Variants in GDPD1 observed in about 807,000 individuals in gnomAD.
The protein encoded by GDPD1 is glycerophosphodiester phosphodiesterase domain containing 1, also known as lysophospholipase D GDPD1.
GDPD1 carries 28 observed loss-of-function variants against 45.1 expected under a neutral mutation model. That is an observed-to-expected ratio of 0.62 (90% CI 0.46 to 0.85). The LOEUF (loss-of-function observed/expected upper bound fraction) is 0.85, where lower values mean the gene tolerates loss of function less well. Ranked by LOEUF, GDPD1 falls within the 40% of genes least tolerant of loss-of-function variation. The pLI is 0.00. For missense variants in GDPD1, 256 were observed against 364.8 expected (o/e 0.70, Z 2.43); for synonymous variants, 139 against 131.4 (o/e 1.06, Z -0.40).
At chr17:59,268,302 C>T (rs547684280) in intron 7 of GDPD1, among the ~76,000 whole-genome samples, 2 of 151,984 alleles carry the variant, frequency 1.3e-5, no homozygotes, top group East Asian at 1.9e-4. Context: ...CATGGCCGGG[C>T]GCGGTGGCTC....
At chr17:59,273,105 G>A in intron 9 of GDPD1, 1 of 269,546 alleles carries the variant, frequency 3.7e-6, no homozygotes, top group Non-Finnish European at 6.4e-6. Context: ...ATAAATATAT[G>A]TATGTATATT....
intron 4 of GDPD1, 76 bp from the exon 5 acceptor site, chr17:59,257,046 T>C: frequency 1.5e-6 from 1 of 661,962 alleles, no homozygotes; most frequent in Non-Finnish European, 2.5e-6. Flanking sequence ...TTAATGAATA[T>C]ATACAATACC....
chr17:59,268,577 TCAAAAAAAA>T (rs2047417715), intron 7 of GDPD1, among the ~76,000 whole-genome samples: 1 of 26,650 alleles, frequency 3.8e-5, no homozygotes, highest in Admixed American at 5.4e-4. Context: ...AGACTCTGTC[TCAAAAAAAA>T]AAAAAAAAAA....
At chr17:59,269,737 C>T (rs1490988683) in intron 7 of GDPD1, among the ~76,000 whole-genome samples, 1 of 151,972 alleles carries the variant, frequency 6.6e-6, no homozygotes, top group Non-Finnish European at 1.5e-5. Flanking sequence ...GCAGGAGAAT[C>T]GCTTGAACCC....
chr17:59,229,118 AATTGTTATT>A (rs2047068866), intron 1 of GDPD1, among the ~76,000 whole-genome samples: 2 of 135,792 alleles, frequency 1.5e-5, no homozygotes, highest in South Asian at 4.6e-4. Context: ...TTTTTCCTCA[AATTGTTATT>A]ATTATTATTA....
intron 2 of GDPD1, among the ~76,000 whole-genome samples, chr17:59,239,527 C>T (rs1172763436): frequency 6.6e-6 from 1 of 151,946 alleles, no homozygotes; most frequent in African/African-American, 2.4e-5. Flanking sequence ...AAATTTTTCT[C>T]ACTGTGTTCT....
intron 3 of GDPD1, 75 bp downstream of exon 3, chr17:59,245,624 A>G: frequency 8.9e-7 from 1 of 1,125,110 alleles, no homozygotes; most frequent in South Asian, 1.6e-5. Flanking sequence ...AATAGCGAAT[A>G]TCAGCAAAAA....
rs1361650818 is a variant in GDPD1 at position 59,220,528 on chromosome 17, C to A, written c.-82C>A. On this transcript the variant is annotated 5_prime_UTR_variant, in exon 1 of 10. Transcript: ENST00000284116. Reference sequence around the variant, plus strand: ...CTGGGGGCGAGCCGACCTCGAGCAGCCGCCGCCGCCGCCGTCGTTGCTACT... The same window carrying A: ...CTGGGGGCGAGCCGACCTCGAGCAGACGCCGCCGCCGCCGTCGTTGCTACT... 2.1e-6 allele frequency: 3 copies of A among 1,405,632 alleles called. No individual in the cohort carries two copies. Among genetic ancestry groups the A allele is most frequent in the African/African-American group, 2.9e-5 (2 of 69,776 alleles). The allele number at this position is 1,405,632 out of a possible 1,614,324, so 87.1% of individuals were successfully genotyped here.
Position 59,232,126 on chromosome 17 carries a change from C to A in GDPD1, c.143-2366C>A, listed in dbSNP as rs145215140. ...AAAGTGAGAAAAAAATGATGTCTGA[C>A]CTCCTTACATATACAAAAAATTGCC... On this transcript the variant is annotated intron_variant, in intron 1 of 9. Transcript: ENST00000284116. 3.9e-5 allele frequency among the ~76,000 whole-genome samples: 6 copies of A among 152,210 alleles called. No homozygotes were observed. The East Asian group carries it at 1.2e-3, about 29-fold the overall frequency.
chr17:59,269,535 T>C (rs561629519), intron 7 of GDPD1, among the ~76,000 whole-genome samples: 1 of 144,732 alleles, frequency 6.9e-6, no homozygotes, highest in African/African-American at 2.5e-5. Context: ...CCTAAACATT[T>C]ATTCCTGGCT....
chr17:59,248,570 A>T (rs66523640), intron 3 of GDPD1, among the ~76,000 whole-genome samples, 170 bp from the exon 4 acceptor site: 1 of 151,948 alleles, frequency 6.6e-6, no homozygotes, highest in South Asian at 2.1e-4. Flanking sequence ...AGATGGCATA[A>T]GTAAGTAATA....
chr17:59,221,668 G>A (rs2047006140), intron 1 of GDPD1, among the ~76,000 whole-genome samples: 1 of 152,114 alleles, frequency 6.6e-6, no homozygotes, highest in South Asian at 2.1e-4. Context: ...GTGTAATAAT[G>A]TGTCTTCATT....
intron 6 of GDPD1, among the ~76,000 whole-genome samples, chr17:59,263,022 T>TA (rs1243274241): frequency 2.6e-5 from 4 of 152,168 alleles, no homozygotes; most frequent in Non-Finnish European, 4.4e-5. Context: ...ATGCGGTGTT[T>TA]AAAAAATGAT....
rs770021116 is a variant in GDPD1, at chr17:59,267,168, T to C, written c.704T>C (p.Ile235Thr). 13 of 1,612,862 alleles carry C rather than the reference T, an allele frequency of 8.1e-6. No homozygotes were observed. The Admixed American group carries it at 1.8e-4, about 23-fold the overall frequency. Residue 235 changes from isoleucine to threonine, a missense_variant, in exon 7 of 10, where the codon ATA (isoleucine) becomes ACA (threonine). Ile to Thr is a moderately conservative substitution (Grantham distance 89). Coordinates refer to ENST00000284116, the MANE Select transcript of GDPD1 (RefSeq NM_182569.4). ...TTTGAAATCCCAATGCCTTCTATTA[T>C]ACTGAAGTAAGTGGTTACCCTTTTA... Reference protein sequence around the residue: ...QFFEIPMPSIILKLKEPHTMS... With the variant: ...QFFEIPMPSITLKLKEPHTMS...
chr17:59,258,172 C>T (rs1348134837), intron 6 of GDPD1, among the ~76,000 whole-genome samples: 1 of 152,094 alleles, frequency 6.6e-6, no homozygotes, highest in African/African-American at 2.4e-5. Context: ...AGCAATCCTC[C>T]TGCCTTGGCC....
chr17:59,230,893 T>G (rs2047084096), intron 1 of GDPD1, among the ~76,000 whole-genome samples: 2 of 152,226 alleles, frequency 1.3e-5, no homozygotes, highest in South Asian at 2.1e-4. Flanking sequence ...CTGCAGCTGA[T>G]GAGATGGAAA....
chr17:59,232,249 G>A (rs1471244074), intron 1 of GDPD1, among the ~76,000 whole-genome samples: 3 of 152,070 alleles, frequency 2.0e-5, no homozygotes, highest in East Asian at 1.9e-4. Context: ...TCAGGAGTTC[G>A]AGATCAGCAT....
chr17:59,257,004 C>T, intron 4 of GDPD1, 118 bp from the exon 5 acceptor site: 1 of 496,238 alleles, frequency 2.0e-6, no homozygotes. Flanking sequence ...TTTTTTTCTT[C>T]TCTATACTTT....
At chr17:59,222,585 G>A (rs1316829598) in intron 1 of GDPD1, among the ~76,000 whole-genome samples, 4 of 136,244 alleles carry the variant, frequency 2.9e-5, no homozygotes, top group Non-Finnish European at 6.1e-5. Flanking sequence ...TGCCATCTTG[G>A]CTCACTGCAG....
Sources: allele counts gnomAD v4.1 joint callset (sites outside exome capture counted in the v4.1 genomes callset), GRCh38; gene constraint gnomAD v4.1.1; transcripts MANE v1.5; gene names NCBI Gene and HGNC (gene_info 2026-07-23, HGNC 2026-07-21).